The following PECAM1 variants were observed in gnomAD, a reference collection of about 807,000 sequenced individuals.
PECAM1 encodes platelet and endothelial cell adhesion molecule 1.
A neutral mutation model predicts 13.8 loss-of-function variants in PECAM1; 8 were observed. That is an observed-to-expected ratio of 0.58 (90% CI 0.34 to 1.05). The LOEUF (loss-of-function observed/expected upper bound fraction) is 1.05, where lower values mean the gene tolerates loss of function less well. PECAM1 is among the 50% of genes least tolerant of loss of function. PECAM1 has a pLI of 0.03. For missense variants in PECAM1, 304 were observed against 141.2 expected (o/e 2.15, Z -5.84); for synonymous variants, 136 against 52.6 (o/e 2.58, Z -6.86).
chr17:64,329,668 T>C (rs782652461), intron 15 of PECAM1, 32 bp downstream of exon 15: 1 of 746,488 alleles, frequency 1.3e-6, no homozygotes, highest in Non-Finnish European at 2.5e-6. Flanking sequence ...TGGAGTACTT[T>C]TAAATATAAT....
chr17:64,321,469 C>CT lies in PECAM1; in HGVS notation c.*2346dup, dbSNP rs1328820438. 16 of 990,410 alleles carry CT rather than the reference C, an allele frequency of 1.6e-5. No individual in the cohort carries two copies. The highest frequency in any genetic ancestry group is 1.9e-5 in the Non-Finnish European group (16 of 832,346). The allele number at this position is 990,410 out of a possible 1,614,324, so 61.4% of individuals were successfully genotyped here. ...GAAAGTAATTTTAAACTCATGTGTG[C>CT]TCCACAGGCCGGGGGCGGTGGCTCA... On this transcript the variant is annotated 3_prime_UTR_variant, in exon 16 of 16. Transcript: ENST00000563924.
At chr17:64,383,392 C>T (rs1021082421) in intron 2 of PECAM1, among the ~76,000 whole-genome samples, 5 of 151,904 alleles carry the variant, frequency 3.3e-5, no homozygotes, top group Non-Finnish European at 7.4e-5. Flanking sequence ...ACAGTGACTG[C>T]GCCAAAGTGG....
Position 64,329,686 on chromosome 17 carries a change from A to G in PECAM1, c.2187+14T>C. 1 of 761,348 alleles carries G rather than the reference A, an allele frequency of 1.3e-6. No homozygotes were observed. Among genetic ancestry groups the G allele is most frequent in the South Asian group, 1.4e-5 (1 of 71,574 alleles). 47.2% of individuals were successfully genotyped at this position (761,348 alleles called of 1,614,324 possible). ...AGTACTTTTAAATATAATGTATATG[A>G]AATGTGTACTTACAGAGTATCTGCT... is the stretch of plus-strand genomic sequence containing the variant. On this transcript the variant is annotated intron_variant, in intron 15 of 15. Transcript: ENST00000563924.
chr17:64,341,264 CAAAA>C (rs1397695290), intron 14 of PECAM1, among the ~76,000 whole-genome samples: 1 of 136,208 alleles, frequency 7.3e-6, no homozygotes, highest in Admixed American at 7.4e-5. Context: ...ACTCCATATC[CAAAA>C]AAAAAAAAGA....
At chr17:64,323,977 C>T in intron 15 of PECAM1, 132 bp from the exon 16 acceptor site, 1 of 804,710 alleles carries the variant, frequency 1.2e-6, no homozygotes, top group Non-Finnish European at 2.2e-6. Flanking sequence ...CACTGGTCCC[C>T]CACCCTGCAG....
chr17:64,336,770 A>G (rs2035287148), intron 14 of PECAM1, among the ~76,000 whole-genome samples: 1 of 151,872 alleles, frequency 6.6e-6, no homozygotes. Flanking sequence ...AGGCGGGAGG[A>G]TCGCTTGAGC....
At chr17:64,354,768 A>G (rs1317650491) in intron 9 of PECAM1, among the ~76,000 whole-genome samples, 165 bp downstream of exon 9, 1 of 152,212 alleles carries the variant, frequency 6.6e-6, no homozygotes, top group Non-Finnish European at 1.5e-5. Flanking sequence ...CCACACAAAG[A>G]TGCAATTTCC....
Position 64,363,276 on chromosome 17 carries a change from A to ATCT in PECAM1, c.1086_1088dup (p.Glu362dup), listed in dbSNP as rs1352500908. 1.7e-5 allele frequency: 8 copies of ATCT among 475,328 alleles called. No individual in the cohort carries two copies. Among genetic ancestry groups the ATCT allele is most frequent in the Non-Finnish European group, 2.3e-5 (6 of 259,102 alleles). The allele number at this position is 475,328 out of a possible 1,614,324, so 29.4% of individuals were successfully genotyped here. A position where few individuals can be genotyped will look rare whatever the true frequency, so the allele number is the denominator to read the frequency against. ...AATCTTGAGTCTGTGACACAATCGT[A>ATCT]TCTTCCTTCTGGATGGTGAAGTTGG... On this transcript the variant is annotated inframe_insertion, in exon 6 of 16. Coordinates refer to ENST00000563924, the MANE Select transcript of PECAM1 (RefSeq NM_000442.5).
At chr17:64,327,102 G>A (rs782532729) in intron 15 of PECAM1, among the ~76,000 whole-genome samples, 1 of 152,190 alleles carries the variant, frequency 6.6e-6, no homozygotes, top group Non-Finnish European at 1.5e-5. Context: ...GTGTTAATGT[G>A]GGTCTCTGAT....
intron 14 of PECAM1, among the ~76,000 whole-genome samples, chr17:64,340,797 C>T (rs1340428616): frequency 6.6e-6 from 1 of 152,090 alleles, no homozygotes; most frequent in Admixed American, 6.6e-5. Context: ...AGTCAGTCTA[C>T]TGTCAGAAAA....
intron 7 of PECAM1, among the ~76,000 whole-genome samples, chr17:64,359,299 T>C (rs1473635673): frequency 6.6e-6 from 1 of 152,166 alleles, no homozygotes; most frequent in African/African-American, 2.4e-5. Flanking sequence ...ATGGCACTCC[T>C]GAGGCCTTCT....
At position 64,323,520 on chromosome 17, in the gene PECAM1, T is replaced by C; in HGVS notation, c.*296A>G. The C allele has an allele frequency of 7.3e-7, 1 of 1,362,294 alleles. No individual in the cohort carries two copies. Among genetic ancestry groups the C allele is most frequent in the Non-Finnish European group, 9.5e-7 (1 of 1,055,194 alleles). 84.4% of individuals were successfully genotyped at this position (1,362,294 alleles called of 1,614,324 possible). Reference sequence around the variant, plus strand: ...AAAACAAAATATTCAAGTTTCAGAATATCCCAATGGCCTTGCCCTGGATCT... The same window carrying C: ...AAAACAAAATATTCAAGTTTCAGAACATCCCAATGGCCTTGCCCTGGATCT... On this transcript the variant is annotated 3_prime_UTR_variant, in exon 16 of 16. Coordinates refer to ENST00000563924, the MANE Select transcript of PECAM1 (RefSeq NM_000442.5).
At chr17:64,328,668 T>C (rs1311184980) in intron 15 of PECAM1, among the ~76,000 whole-genome samples, 2 of 152,232 alleles carry the variant, frequency 1.3e-5, no homozygotes, top group African/African-American at 2.4e-5. Context: ...AGCTCTGTTT[T>C]ACAAGAGTCC....
intron 13 of PECAM1, among the ~76,000 whole-genome samples, chr17:64,347,726 T>TTTTA (rs1555649482): frequency 7.1e-6 from 1 of 140,796 alleles, no homozygotes; most frequent in African/African-American, 2.7e-5. Context: ...ATTATATATT[T>TTTTA]TATATATATA....
intron 15 of PECAM1, among the ~76,000 whole-genome samples, chr17:64,325,107 G>A (rs528364920): frequency 3.3e-5 from 5 of 152,336 alleles, no homozygotes; most frequent in African/African-American, 7.2e-5. Flanking sequence ...TGAATTTGCC[G>A]GGCGGGCGCA....
chr17:64,365,975 G>A (rs1201750611), intron 5 of PECAM1, among the ~76,000 whole-genome samples: 12 of 151,958 alleles, frequency 7.9e-5, no homozygotes, highest in African/African-American at 2.7e-4. Context: ...TGACAAATGG[G>A]CTCTAATTAA....
chr17:64,347,964 C>T (rs2035622233), intron 13 of PECAM1, among the ~76,000 whole-genome samples: 2 of 151,966 alleles, frequency 1.3e-5, no homozygotes, highest in African/African-American at 2.4e-5. Context: ...CTCCTGATCT[C>T]AGGTGATCCA....
At chr17:64,340,740 G>A (rs1448580165) in intron 14 of PECAM1, among the ~76,000 whole-genome samples, 1 of 152,020 alleles carries the variant, frequency 6.6e-6, no homozygotes, top group Non-Finnish European at 1.5e-5. Flanking sequence ...GGGGCCAGCC[G>A]AACCAAAGGA....
At chr17:64,382,339 C>G (rs2036499424) in intron 2 of PECAM1, among the ~76,000 whole-genome samples, 1 of 152,150 alleles carries the variant, frequency 6.6e-6, no homozygotes, top group Admixed American at 6.5e-5. Context: ...ATCTCTGCTA[C>G]TAACAAAGCT....
Sources: gnomAD v4.1 joint callset for allele counts (sites outside exome capture counted in the v4.1 genomes callset) on GRCh38, gnomAD v4.1.1 for gene constraint, MANE v1.5 for transcripts, NCBI Gene and HGNC (gene_info 2026-07-23, HGNC 2026-07-21) for gene names.